The following CDKL2 variants were observed in gnomAD, a reference collection of about 807,000 sequenced individuals.
CDKL2 encodes the protein cyclin-dependent kinase-like 2.
CDKL2 carries 64 observed loss-of-function variants against 63.9 expected under a neutral mutation model. The observed-to-expected ratio is 1.00, with a 90% CI of 0.82 to 1.23. The LOEUF (loss-of-function observed/expected upper bound fraction) is 1.23. Ranked by LOEUF, CDKL2 falls within the 50% of genes most tolerant of loss-of-function variation. CDKL2 has a pLI of 0.00. For missense variants in CDKL2, 656 were observed against 668.0 expected (o/e 0.98, Z 0.20); for synonymous variants, 211 against 229.2 (o/e 0.92, Z 0.72).
chr4:75,590,894 G>A, intron 12 of CDKL2, among the ~76,000 whole-genome samples: 1 of 152,162 alleles, frequency 6.6e-6, no homozygotes, highest in East Asian at 1.9e-4. Context: ...GCAGTAAAAG[G>A]AAAGTACAAT....
intron 2 of CDKL2, among the ~76,000 whole-genome samples, chr4:75,624,076 A>G (rs1322530229): frequency 6.6e-6 from 1 of 150,756 alleles, no homozygotes; most frequent in African/African-American, 2.4e-5. Flanking sequence ...GGTTGCAGTG[A>G]GCCAAGATTA....
At chr4:75,606,812 T>G (rs1729442645) in intron 4 of CDKL2, among the ~76,000 whole-genome samples, 1 of 152,218 alleles carries the variant, frequency 6.6e-6, no homozygotes. Context: ...TGAAGAAAAT[T>G]TATGTTTTAA....
intron 9 of CDKL2, among the ~76,000 whole-genome samples, 174 bp from the exon 10 acceptor site, chr4:75,596,514 C>T (rs1309715275): frequency 6.6e-6 from 1 of 152,148 alleles, no homozygotes; most frequent in Non-Finnish European, 1.5e-5. Flanking sequence ...TTAACACTAC[C>T]CTCATGCCTC....
intron 2 of CDKL2, among the ~76,000 whole-genome samples, chr4:75,622,361 A>C (rs1177363698): frequency 6.6e-6 from 1 of 152,188 alleles, no homozygotes; most frequent in African/African-American, 2.4e-5. Context: ...AGAAAGGATT[A>C]AAAAGTATAT....
intron 2 of CDKL2, among the ~76,000 whole-genome samples, chr4:75,623,296 C>A (rs1447212658): frequency 6.6e-6 from 1 of 151,968 alleles, no homozygotes; most frequent in African/African-American, 2.4e-5. Flanking sequence ...AACCTACTAA[C>A]TAGAATAAAC....
intron 13 of CDKL2, among the ~76,000 whole-genome samples, chr4:75,580,570 G>A (rs576147136): frequency 6.6e-6 from 1 of 151,214 alleles, no homozygotes; most frequent in East Asian, 2.0e-4. Context: ...AGGAGGCTGG[G>A]GTGGGAGGAT....
intron 3 of CDKL2, among the ~76,000 whole-genome samples, chr4:75,608,594 G>C (rs1254500042): frequency 2.0e-5 from 3 of 152,166 alleles, no homozygotes; most frequent in Non-Finnish European, 2.9e-5. Flanking sequence ...AAAGACGAGA[G>C]GCAGGAAGAA....
chr4:75,622,661 C>T (rs1328252077), intron 2 of CDKL2, among the ~76,000 whole-genome samples: 1 of 119,956 alleles, frequency 8.3e-6, no homozygotes, highest in South Asian at 2.9e-4. Context: ...GAAGTTGCAG[C>T]GAGACGAGAT....
intron 3 of CDKL2, 57 bp from the exon 4 acceptor site, chr4:75,607,418 C>A (rs1729469616): frequency 1.5e-6 from 2 of 1,367,006 alleles, no homozygotes; most frequent in South Asian, 1.3e-5. Flanking sequence ...TTTGGGGCAC[C>A]TGCTATGTGC....
intron 13 of CDKL2, 126 bp downstream of exon 13, chr4:75,581,684 T>C (rs1396733073): frequency 3.6e-6 from 2 of 559,566 alleles, no homozygotes; most frequent in East Asian, 2.8e-5. Context: ...CAACTCTTTC[T>C]CTATCAGAAG....
intron 10 of CDKL2, among the ~76,000 whole-genome samples, chr4:75,594,463 T>A (rs866361286): frequency 2.3e-4 from 34 of 150,796 alleles, no homozygotes; most frequent in Middle Eastern, 3.4e-3. Context: ...AAAAAAAAAA[T>A]TATTTTTTCT....
At chr4:75,621,080 C>A (rs1486065430) in intron 2 of CDKL2, among the ~76,000 whole-genome samples, 1 of 151,626 alleles carries the variant, frequency 6.6e-6, no homozygotes, top group African/African-American at 2.4e-5. Flanking sequence ...GGACTATAGG[C>A]GCGCACCAAC....
intron 6 of CDKL2, among the ~76,000 whole-genome samples, chr4:75,601,279 A>G (rs1729179842): frequency 6.6e-6 from 1 of 152,186 alleles, no homozygotes; most frequent in African/African-American, 2.4e-5. Flanking sequence ...TGGAAAGGAA[A>G]GGATTTATCC....
chr4:75,576,954 A>C lies in CDKL2; in HGVS notation c.*2248T>G, dbSNP rs1300028080. 1.3e-5 allele frequency among the ~76,000 whole-genome samples: 2 copies of C among 152,196 alleles called. No homozygotes were observed. Among genetic ancestry groups the C allele is most frequent in the African/African-American group, 4.8e-5 (2 of 41,460 alleles). ...ATTTTATGACCATGCTGCTTATATC[A>C]CCAGCTATACAAGAAAATTAGCTTG... On this transcript the variant is annotated 3_prime_UTR_variant, in exon 14 of 14. Transcript: ENST00000307465.
chr4:75,613,306 T>C (rs1363899663), intron 3 of CDKL2, among the ~76,000 whole-genome samples: 30 of 151,972 alleles, frequency 2.0e-4, no homozygotes. Flanking sequence ...AACTACACAA[T>C]AAAAGACAGT....
In CDKL2 at chr4:75,597,001, A is replaced by T. The variant is rs1336651318; in HGVS notation, c.1256T>A (p.Leu419His). ...SVAIPPLTHN[L>H]SAVAPSINSG... ...ATTAATGCTGGGAGCAACTGCAGAA[A>T]GATTGTGTGTAAGTGGGGGAATTGC... The change falls in exon 9 of 14, where the codon CTT (leucine) becomes CAT (histidine). Residue 419 changes from leucine (L) to histidine (H), a missense_variant. By Grantham distance (99) the Leu-to-His change is moderately conservative. Coordinates refer to ENST00000307465, the MANE Select transcript of CDKL2 (RefSeq NM_001330724.2). The T allele has an allele frequency of 6.2e-7, 1 of 1,614,208 alleles. No homozygotes were observed. The highest frequency in any genetic ancestry group is 1.1e-5 in the South Asian group (1 of 91,086).
intron 12 of CDKL2, among the ~76,000 whole-genome samples, chr4:75,588,631 A>G (rs1273933834): frequency 6.6e-6 from 1 of 152,248 alleles, no homozygotes; most frequent in Non-Finnish European, 1.5e-5. Flanking sequence ...AGGTAGAAAT[A>G]GAAATAAACT....
rs1476209778 is a variant in CDKL2 at position 75,598,106 on chromosome 4, C to T, written c.991G>A (p.Val331Ile). ...ACCACAAGTGTTTTTCTTTCTTCAA[C>T]TAAGGAATCATCTTTTTCTTTTTCC... is the stretch of plus-strand genomic sequence containing the variant. ...KKEKEKDDSL[V>I]EERKTLVVQD... The change falls in exon 8 of 14, where the codon GTT becomes ATT. Residue 331 changes from valine to isoleucine, a missense_variant. Val to Ile is a conservative substitution (Grantham distance 29, BLOSUM62 3). Coordinates refer to ENST00000307465, the MANE Select transcript of CDKL2 (RefSeq NM_001330724.2). 1 of 1,546,068 alleles carries T rather than the reference C, an allele frequency of 6.5e-7. No individual in the cohort carries two copies. Among genetic ancestry groups the T allele is most frequent in the African/African-American group, 1.4e-5 (1 of 72,626 alleles).
intron 3 of CDKL2, among the ~76,000 whole-genome samples, chr4:75,613,124 C>A (rs374122002): frequency 8.3e-3 from 1,175 of 141,392 alleles, no homozygotes; most frequent in Non-Finnish European, 0.01. Flanking sequence ...GACTCCGTTT[C>A]AAAAAAAAAT....
Sources: allele counts gnomAD v4.1 joint callset (sites outside exome capture counted in the v4.1 genomes callset), GRCh38; gene constraint gnomAD v4.1.1; transcripts MANE v1.5; gene names NCBI Gene and HGNC (gene_info 2026-07-23, HGNC 2026-07-21).